The following MYO9A variants were observed in gnomAD, a reference collection of about 807,000 sequenced individuals.
MYO9A encodes the protein unconventional myosin-IXa.
MYO9A carries 103 observed loss-of-function variants against 293.3 expected under a neutral mutation model. That is an observed-to-expected ratio of 0.35 (90% CI 0.30 to 0.41). MYO9A has a LOEUF of 0.41. Among genes scored for constraint, MYO9A ranks in the 10% least tolerant of loss-of-function variants. MYO9A has a pLI of 1.00. For synonymous variants in MYO9A, 1,001 were observed against 1,035.7 expected (o/e 0.97, Z 0.64); for missense variants, 2,685 against 3,033.0 (o/e 0.89, Z 2.69).
At chr15:71,845,780 A>G (rs2055359256) in intron 39 of MYO9A, among the ~76,000 whole-genome samples, 1 of 152,214 alleles carries the variant, frequency 6.6e-6, no homozygotes, top group African/African-American at 2.4e-5. Context: ...AACTTTCTGT[A>G]TGATTAACTG....
rs766647949 is a variant in MYO9A, at chr15:71,851,332, G to A, written c.6502C>T (p.Arg2168Cys). The change falls in exon 37 of 42, where the codon CGT (arginine) becomes TGT (cysteine). Residue 2168 changes from arginine to cysteine, a missense_variant. By Grantham distance (180) the Arg-to-Cys change is radical. This residue lies in a region of MYO9A where 238 missense variants were observed against 269.1 expected (regional missense o/e 0.88). Transcript: ENST00000356056. ...TGATCAATCACAGAGTATACACCAC[G>A]GATTGTCTCCTTCCTCTCCTGAAGG... ...MGLQERKETI[R>C]GVYSVIDQLS... The A allele has an allele frequency of 1.4e-5, 23 of 1,613,462 alleles. No individual in the cohort carries two copies. In the East Asian group the frequency reaches 2.0e-4, roughly 14 times the overall value.
intron 1 of MYO9A, among the ~76,000 whole-genome samples, chr15:72,083,113 A>G (rs964841184): frequency 3.9e-5 from 6 of 152,148 alleles, no homozygotes; most frequent in Admixed American, 2.6e-4. Flanking sequence ...TCTTCTTTGT[A>G]TATCTGGTAG....
chr15:71,900,112 G>C, intron 23 of MYO9A, 106 bp from the exon 24 acceptor site: 6 of 1,124,468 alleles, frequency 5.3e-6, no homozygotes, highest in Non-Finnish European at 7.4e-6. Flanking sequence ...AGGTTAAGTG[G>C]CTATGCAGCT....
chr15:71,994,437 G>T, intron 10 of MYO9A, 32 bp downstream of exon 10: 1 of 1,359,656 alleles, frequency 7.4e-7, no homozygotes, highest in Non-Finnish European at 1.0e-6. Context: ...AGCTTTCAGG[G>T]AAAAACATAT....
At chr15:71,840,848 G>C (rs551614731) in intron 39 of MYO9A, among the ~76,000 whole-genome samples, 17 of 152,308 alleles carry the variant, frequency 1.1e-4, no homozygotes, top group Admixed American at 2.6e-4. Context: ...AGCCAGGATG[G>C]TCTCGACGTC....
chr15:72,047,314 G>A (rs1449755686), intron 1 of MYO9A, among the ~76,000 whole-genome samples: 1 of 152,090 alleles, frequency 6.6e-6, no homozygotes, highest in Non-Finnish European at 1.5e-5. Flanking sequence ...ATACAACTAG[G>A]CACCACTACA....
At chr15:71,978,642 A>G (rs2076200384) in intron 11 of MYO9A, among the ~76,000 whole-genome samples, 1 of 152,190 alleles carries the variant, frequency 6.6e-6, no homozygotes, top group Admixed American at 6.5e-5. Context: ...TAAGCCATCA[A>G]AAAGCACTAT....
intron 7 of MYO9A, 63 bp downstream of exon 7, chr15:72,010,287 A>G: frequency 7.2e-7 from 1 of 1,379,536 alleles, no homozygotes; most frequent in African/African-American, 1.4e-5. Context: ...AACGGCAGAA[A>G]TCTTTCAAAG....
In MYO9A at chr15:72,045,847, T is replaced by C. The variant is rs1235605896; in HGVS notation, c.717A>G (p.Gly239=). Residue 239 remains glycine, a synonymous_variant, in exon 2 of 42, where the codon GGA becomes GGG. Coordinates refer to ENST00000356056, the MANE Select transcript of MYO9A (RefSeq NM_006901.4). Reference sequence around the variant, plus strand: ...TTTGAGTCTTCCCAGAACCACTCTCTCCTGAAATCACGATGCACTGATTCT... The same window carrying C: ...TTTGAGTCTTCCCAGAACCACTCTCCCCTGAAATCACGATGCACTGATTCT... ...RKKNQCIVIS[G]ESGSGKTQST... 3.1e-6 allele frequency: 5 copies of C among 1,614,026 alleles called. No homozygotes were observed. The Admixed American group carries it at 5.0e-5, about 16-fold the overall frequency.
chr15:72,007,287 G>A (rs577393094), intron 8 of MYO9A, among the ~76,000 whole-genome samples: 38 of 151,814 alleles, frequency 2.5e-4, no homozygotes, highest in Admixed American at 2.0e-4. Flanking sequence ...AAGAAAACAT[G>A]ATAAATCATC....
At position 72,020,126 on chromosome 15, in the gene MYO9A, A is replaced by G. The variant is rs970393620; in HGVS notation, c.1098+792T>C. On this transcript the variant is annotated intron_variant, in intron 5 of 41. Transcript: ENST00000356056. Reference sequence around the variant, plus strand: ...ATCAAAGTGTCAATTTGTTTACAAAAGCTTCGTAAGGATTTTTTTAATGGT... The same window carrying G: ...ATCAAAGTGTCAATTTGTTTACAAAGGCTTCGTAAGGATTTTTTTAATGGT... Among the ~76,000 whole-genome samples, 21 of 152,312 alleles carry G rather than the reference A, an allele frequency of 1.4e-4. No homozygotes were observed. In the East Asian group the frequency reaches 3.9e-3, roughly 28 times the overall value.
At chr15:72,043,425 TAAA>T (rs530573588) in intron 2 of MYO9A, among the ~76,000 whole-genome samples, 77 of 152,206 alleles carry the variant, frequency 5.1e-4, no homozygotes, top group African/African-American at 1.7e-3. Flanking sequence ...AGCCAAAAAT[TAAA>T]AACAACCCAT....
intron 11 of MYO9A, 22 bp downstream of exon 11, chr15:71,991,081 G>A (rs2076532737): frequency 6.4e-7 from 1 of 1,554,672 alleles, no homozygotes; most frequent in East Asian, 2.3e-5. Flanking sequence ...GGGGACAAGT[G>A]TATACATATT....
chr15:72,046,842 C>CA (rs553558170), intron 1 of MYO9A, among the ~76,000 whole-genome samples: 12 of 150,998 alleles, frequency 7.9e-5, no homozygotes, highest in South Asian at 2.1e-4. Context: ...AGTAACTTGC[C>CA]AAAAAAAACA....
At chr15:71,963,440 C>T (rs972489303) in intron 13 of MYO9A, among the ~76,000 whole-genome samples, 6 of 151,344 alleles carry the variant, frequency 4.0e-5, no homozygotes, top group South Asian at 2.1e-4. Flanking sequence ...ACCAGAGTTA[C>T]GACTTTATTT....
intron 1 of MYO9A, among the ~76,000 whole-genome samples, chr15:72,080,845 T>C (rs1458868478): frequency 6.6e-6 from 1 of 152,090 alleles, no homozygotes; most frequent in African/African-American, 2.4e-5. Context: ...TAGTTTACTA[T>C]GAATAATGGC....
At chr15:72,049,919 T>G (rs1413066020) in intron 1 of MYO9A, among the ~76,000 whole-genome samples, 1 of 152,228 alleles carries the variant, frequency 6.6e-6, no homozygotes, top group Non-Finnish European at 1.5e-5. Flanking sequence ...TAAAGTTGTA[T>G]AATATGGCAG....
At chr15:72,002,454 T>C (rs2076895767) in intron 8 of MYO9A, among the ~76,000 whole-genome samples, 1 of 152,046 alleles carries the variant, frequency 6.6e-6, no homozygotes, top group South Asian at 2.1e-4. Context: ...TCCACCTGCC[T>C]TGGCCTCCCA....
At chr15:71,963,884 G>C (rs1204851384) in intron 13 of MYO9A, among the ~76,000 whole-genome samples, 1 of 152,204 alleles carries the variant, frequency 6.6e-6, no homozygotes, top group Admixed American at 6.5e-5. Context: ...TTAAATGTTT[G>C]GAAGCATTCA....
Sources: allele counts gnomAD v4.1 joint callset (sites outside exome capture counted in the v4.1 genomes callset), GRCh38; gene constraint gnomAD v4.1.1; regional missense constraint gnomAD v4.1.1; transcripts MANE v1.5; gene names NCBI Gene and HGNC (gene_info 2026-07-23, HGNC 2026-07-21).